GRHL2: variants seen among roughly 807,000 people sequenced by gnomAD.
GRHL2 encodes the protein grainyhead-like protein 2 homolog.
A neutral mutation model predicts 83.8 loss-of-function variants in GRHL2; 21 were observed. The observed-to-expected ratio is 0.25, with a 90% CI of 0.18 to 0.36. The LOEUF is 0.36. GRHL2 is among the 10% of genes least tolerant of loss of function. The pLI is 1.00. For synonymous variants in GRHL2, 280 were observed against 278.9 expected (o/e 1.00, Z -0.04); for missense variants, 623 against 781.8 (o/e 0.80, Z 2.42).
intron 4 of GRHL2, among the ~76,000 whole-genome samples, chr8:101,559,735 T>C (rs957554516): frequency 1.1e-4 from 17 of 152,200 alleles, no homozygotes; most frequent in African/African-American, 4.1e-4. Context: ...AAGTGCACAG[T>C]TGAGAATTTT....
At chr8:101,555,881 T>G (rs1298158191) in intron 3 of GRHL2, among the ~76,000 whole-genome samples, 1 of 152,240 alleles carries the variant, frequency 6.6e-6, no homozygotes, top group Non-Finnish European at 1.5e-5. Flanking sequence ...CAAGTCCTGC[T>G]TGGTACTTAG....
chr8:101,669,737 T>C (rs1253095431), downstream of GRHL2: 3 of 152,232 alleles, frequency 2.0e-5, no homozygotes, highest in African/African-American at 4.8e-5. Context: ...CAACAGTGTC[T>C]GGTGCTTTCT....
chr8:101,567,127 T>G (rs1177933867), intron 4 of GRHL2, among the ~76,000 whole-genome samples: 1 of 152,230 alleles, frequency 6.6e-6, no homozygotes, highest in Non-Finnish European at 1.5e-5. Context: ...TTACCAGATA[T>G]CTTGTCTTTG....
intron 7 of GRHL2, 22 bp downstream of exon 7, chr8:101,577,541 T>A (rs752239956): frequency 6.9e-7 from 1 of 1,459,040 alleles, no homozygotes. Context: ...TTGACTTCCC[T>A]GTATAGTCCT....
intron 13 of GRHL2, among the ~76,000 whole-genome samples, chr8:101,644,582 T>C (rs1268209023): frequency 6.6e-6 from 1 of 152,198 alleles, no homozygotes; most frequent in Non-Finnish European, 1.5e-5. Flanking sequence ...ATGCAAACTA[T>C]TCATCTCACC....
intron 14 of GRHL2, among the ~76,000 whole-genome samples, chr8:101,651,053 C>A (rs1007107242): frequency 2.0e-5 from 3 of 151,880 alleles, no homozygotes; most frequent in Non-Finnish European, 4.4e-5. Context: ...TAAGGAAAAA[C>A]AAAAACAGAA....
intron 8 of GRHL2, among the ~76,000 whole-genome samples, chr8:101,617,240 G>A (rs537821085): frequency 1.9e-4 from 29 of 152,116 alleles, no homozygotes; most frequent in East Asian, 5.8e-4. Flanking sequence ...GGCTGGCAGC[G>A]TGAGAGCCCA....
chr8:101,649,596 A>C, intron 14 of GRHL2, 97 bp downstream of exon 14: 2 of 868,326 alleles, frequency 2.3e-6, no homozygotes, highest in South Asian at 2.8e-5. Flanking sequence ...ATGGCTTCAG[A>C]ATGAGCTTTA....
Position 101,655,169 on chromosome 8 carries a change from C to T in GRHL2, c.1698+5670C>T, listed in dbSNP as rs553314681. Among the ~76,000 whole-genome samples, 78 of 134,752 alleles carry T rather than the reference C, an allele frequency of 5.8e-4. No individual in the cohort carries two copies. The South Asian group carries it at 9.8e-3, about 17-fold the overall frequency. The allele number at this position is 134,752 out of a possible 152,430, so 88.4% of individuals were successfully genotyped here. A position where few individuals can be genotyped will look rare whatever the true frequency, so the allele number is the denominator to read the frequency against. Reference sequence around the variant, plus strand: ...TGCACTCCAGCCTGGGCAACAAGAGCGAAACTCCAATCCTAAAAAAAAAAA... The same window carrying T: ...TGCACTCCAGCCTGGGCAACAAGAGTGAAACTCCAATCCTAAAAAAAAAAA... On this transcript the variant is annotated intron_variant, in intron 14 of 15. Transcript: ENST00000646743.
At chr8:101,617,363 C>A (rs2130364470) in intron 8 of GRHL2, among the ~76,000 whole-genome samples, 1 of 152,000 alleles carries the variant, frequency 6.6e-6, no homozygotes, top group African/African-American at 2.4e-5. Context: ...AGTTGAGGAG[C>A]TCAAAAATAA....
intron 9 of GRHL2, among the ~76,000 whole-genome samples, chr8:101,621,099 C>T (rs1263246761): frequency 1.3e-5 from 2 of 152,106 alleles, no homozygotes; most frequent in African/African-American, 2.4e-5. Flanking sequence ...AGATGGGCAT[C>T]CTGGGAGCCA....
intron 9 of GRHL2, among the ~76,000 whole-genome samples, chr8:101,624,611 G>GTA (rs369517953): frequency 0.039 from 5,397 of 138,132 alleles, 65 homozygotes; most frequent in Middle Eastern, 0.054. Flanking sequence ...ACAGTACACA[G>GTA]GACAGTTTAC....
intron 7 of GRHL2, among the ~76,000 whole-genome samples, chr8:101,583,436 C>T (rs1812097124): frequency 6.6e-6 from 1 of 152,156 alleles, no homozygotes. Flanking sequence ...TGAAGAAAAG[C>T]ACAGCTTTGC....
chr8:101,526,669 A>G (rs752170449), intron 1 of GRHL2, among the ~76,000 whole-genome samples: 4 of 151,708 alleles, frequency 2.6e-5, no homozygotes, highest in Non-Finnish European at 5.9e-5. Context: ...CTGAACACGT[A>G]GTTTGTCAAT....
At chr8:101,536,224 G>T (rs1016456460) in intron 1 of GRHL2, among the ~76,000 whole-genome samples, 8 of 152,156 alleles carry the variant, frequency 5.3e-5, no homozygotes, top group Non-Finnish European at 8.8e-5. Context: ...TCAGACAGAG[G>T]ATTTTGGACT....
intron 8 of GRHL2, among the ~76,000 whole-genome samples, chr8:101,600,123 CAGA>C (rs1037240530): frequency 3.0e-4 from 46 of 152,288 alleles, no homozygotes; most frequent in Middle Eastern, 3.4e-3. Flanking sequence ...GGCACGGCCA[CAGA>C]AGAAGAATTG....
intron 2 of GRHL2, among the ~76,000 whole-genome samples, chr8:101,544,683 T>C (rs1475804404): frequency 1.3e-5 from 2 of 152,222 alleles, no homozygotes; most frequent in Non-Finnish European, 2.9e-5. Context: ...TTATTAACTC[T>C]TATTTTAGAA....
chr8:101,632,471 C>A lies in GRHL2; in HGVS notation c.1485+106C>A. On this transcript the variant is annotated intron_variant, in intron 11 of 15. Transcript: ENST00000646743. ...GTTGACCTCAAAAATAACTTACCTT[C>A]CATTCACTAGAGAAAAAGTCAATGT... 4 of 1,326,692 alleles carry A rather than the reference C, an allele frequency of 3.0e-6. No homozygotes were observed. The South Asian group carries it at 3.5e-5, about 12-fold the overall frequency. The allele number at this position is 1,326,692 out of a possible 1,614,324, so 82.2% of individuals were successfully genotyped here.
intron 14 of GRHL2, among the ~76,000 whole-genome samples, chr8:101,661,476 G>A (rs1179280810): frequency 6.6e-5 from 10 of 152,266 alleles, no homozygotes; most frequent in African/African-American, 1.7e-4. Context: ...ATATTTGCCT[G>A]TAACACACAC....
Sources: gnomAD v4.1 joint callset for allele counts (sites outside exome capture counted in the v4.1 genomes callset) on GRCh38, gnomAD v4.1.1 for gene constraint, MANE v1.5 for transcripts, NCBI Gene and HGNC (gene_info 2026-07-23, HGNC 2026-07-21) for gene names.